Variants in GDPD4 observed in about 807,000 individuals in gnomAD.
GDPD4 encodes glycerophosphodiester phosphodiesterase 6.
A neutral mutation model predicts 67.8 loss-of-function variants in GDPD4; 60 were observed. The ratio of observed to expected loss-of-function variants is 0.88; its 90% CI spans 0.72 to 1.10. The LOEUF (loss-of-function observed/expected upper bound fraction) is 1.10. GDPD4 is among the 50% of genes least tolerant of loss of function. The probability of loss-of-function intolerance (pLI) is 0.00; values close to 1 mark genes in which losing one functional copy is unlikely to be tolerated. For missense variants in GDPD4, 623 were observed against 613.9 expected (o/e 1.01, Z -0.16); for synonymous variants, 212 against 210.9 (o/e 1.00, Z -0.04).
intron 13 of GDPD4, among the ~76,000 whole-genome samples, chr11:77,240,704 A>G (rs1301058667): frequency 2.0e-5 from 3 of 152,306 alleles, no homozygotes; most frequent in South Asian, 2.1e-4. Context: ...AAAACCTATG[A>G]AATGGGAGAA....
intron 5 of GDPD4, among the ~76,000 whole-genome samples, chr11:77,273,121 G>A (rs935369673): frequency 2.0e-5 from 3 of 152,094 alleles, no homozygotes; most frequent in Admixed American, 6.6e-5. Flanking sequence ...AATACATTTC[G>A]TGTGTTTACC....
At chr11:77,295,018 G>A (rs117768017) in intron 1 of GDPD4, among the ~76,000 whole-genome samples, 16,537 of 137,806 alleles carry the variant, frequency 0.12, 1,219 homozygotes, top group Non-Finnish European at 0.17. Flanking sequence ...CCAGGTTGGA[G>A]TGCAGTGGAA....
intron 13 of GDPD4, among the ~76,000 whole-genome samples, chr11:77,242,944 T>TTATAGAC (rs1958701043): frequency 1.8e-5 from 2 of 112,060 alleles, no homozygotes; most frequent in South Asian, 6.0e-4. Flanking sequence ...CTATTATAGA[T>TTATAGAC]AGGTAGATAA....
intron 11 of GDPD4, among the ~76,000 whole-genome samples, chr11:77,248,073 A>G (rs1325037886): frequency 7.0e-6 from 1 of 143,034 alleles, no homozygotes; most frequent in African/African-American, 2.6e-5. Context: ...AAAAAAAAAG[A>G]AAAGAAAGAA....
At chr11:77,241,574 G>A (rs1207437907) in intron 13 of GDPD4, among the ~76,000 whole-genome samples, 3 of 147,380 alleles carry the variant, frequency 2.0e-5, no homozygotes, top group East Asian at 2.0e-4. Flanking sequence ...GGAAGTAGAG[G>A]CTGCAGTGAG....
At chr11:77,271,415 CT>C in intron 5 of GDPD4, 22 bp from the exon 6 acceptor site, 1 of 1,467,586 alleles carries the variant, frequency 6.8e-7, no homozygotes, top group Non-Finnish European at 9.5e-7. Flanking sequence ...GAAAAAAAAT[CT>C]CCTGACTTCA....
chr11:77,233,405 G>A (rs981131161), intron 13 of GDPD4, among the ~76,000 whole-genome samples: 1 of 121,028 alleles, frequency 8.3e-6, no homozygotes, highest in Non-Finnish European at 1.7e-5. Flanking sequence ...TAAACCAAAT[G>A]TCCTAAGGAG....
chr11:77,260,119 CAACATAGTGA>C lies in GDPD4; in HGVS notation c.708-1587_708-1578del, dbSNP rs1300348180. 5.3e-5 allele frequency among the ~76,000 whole-genome samples: 8 copies of C among 152,018 alleles called. No individual in the cohort carries two copies. In the South Asian group the frequency reaches 1.5e-3, roughly 28 times the overall value. ...AGGTCGAGATCAAGACCATCCTGGCCAACATAGTGAAACCCCGTCTCTACTAAAAATACAA... is the reference window on the plus strand; with the variant it reads ...AGGTCGAGATCAAGACCATCCTGGCCAACCCCGTCTCTACTAAAAATACAA... On this transcript the variant is annotated intron_variant, in intron 10 of 16. Coordinates refer to ENST00000315938, the MANE Select transcript of GDPD4 (RefSeq NM_182833.3).
At position 77,258,517 on chromosome 11, in the gene GDPD4, G is replaced by A. The variant is rs1959048215; in HGVS notation, c.733C>T (p.His245Tyr). The change falls in exon 11 of 17, where the codon CAT (histidine) becomes TAT (tyrosine). Residue 245 changes from histidine (H) to tyrosine (Y), a missense_variant. Physicochemically the swap from His to Tyr is moderately conservative, Grantham distance 83. Transcript: ENST00000315938. Reference sequence around the variant, plus strand: ...GTTGTTCTTTTCAGGTCAAAGTCATGCATGAGGAAAGGCACATGATCATAA... The same window carrying A: ...GTTGTTCTTTTCAGGTCAAAGTCATACATGAGGAAAGGCACATGATCATAA... ...LSYDHVPFLM[H>Y]DFDLKRTTNI... 11 of 1,613,962 alleles carry A rather than the reference G, an allele frequency of 6.8e-6. No homozygotes were observed. Among genetic ancestry groups the A allele is most frequent in the Non-Finnish European group, 7.6e-6 (9 of 1,179,864 alleles).
intron 3 of GDPD4, among the ~76,000 whole-genome samples, chr11:77,280,579 T>A (rs1478379416): frequency 6.6e-6 from 1 of 152,220 alleles, no homozygotes; most frequent in Non-Finnish European, 1.5e-5. Flanking sequence ...CTTCTAATCA[T>A]TTTACTGGTC....
chr11:77,267,728 A>C (rs1408441859), intron 10 of GDPD4, among the ~76,000 whole-genome samples: 1 of 152,154 alleles, frequency 6.6e-6, no homozygotes, highest in African/African-American at 2.4e-5. Context: ...TTTGCCAGAC[A>C]TGTGTTTTAC....
chr11:77,263,741 GACACA>G (rs1959163064), intron 10 of GDPD4, among the ~76,000 whole-genome samples: 1 of 152,124 alleles, frequency 6.6e-6, no homozygotes, highest in Admixed American at 6.5e-5. Flanking sequence ...GGCTTGGCAT[GACACA>G]TCTTCATTAA....
intron 16 of GDPD4, among the ~76,000 whole-genome samples, chr11:77,225,894 T>C (rs1450548817): frequency 2.0e-5 from 3 of 152,174 alleles, no homozygotes; most frequent in Non-Finnish European, 4.4e-5. Context: ...TTCTGTCTAG[T>C]CTTCCTTGTT....
At chr11:77,257,159 C>G (rs1222390927) in intron 11 of GDPD4, among the ~76,000 whole-genome samples, 5 of 152,214 alleles carry the variant, frequency 3.3e-5, no homozygotes, top group African/African-American at 4.8e-5. Flanking sequence ...ACCTTGCTAT[C>G]TCTGCTGTCA....
intron 11 of GDPD4, among the ~76,000 whole-genome samples, chr11:77,248,888 A>ATT (rs568506140): frequency 3.3e-5 from 4 of 122,368 alleles, no homozygotes; most frequent in African/African-American, 9.0e-5. Context: ...TGCCCGGCTA[A>ATT]TTTTTTTTTT....
At position 77,218,952 on chromosome 11, in the gene GDPD4, C is replaced by T. The variant is rs377336055; in HGVS notation, c.1526-1638G>A. ...AATGGTATTTCTAGTTCTAGATCCT[C>T]GAGGAATCGCCACACTGTCTTCCAC... is the stretch of plus-strand genomic sequence containing the variant. On this transcript the variant is annotated intron_variant, in intron 16 of 16. Transcript: ENST00000315938. Among the ~76,000 whole-genome samples, 116 of 152,272 alleles carry T rather than the reference C, an allele frequency of 7.6e-4. 2 individuals are homozygous for T. Among genetic ancestry groups the T allele is most frequent in the Non-Finnish European group, 1.4e-3 (94 of 68,006 alleles).
intron 11 of GDPD4, among the ~76,000 whole-genome samples, chr11:77,252,052 TTGTTTTTTTTTTG>T (rs1958911383): frequency 1.2e-5 from 1 of 81,174 alleles, no homozygotes. Context: ...TTTTGTTTGT[TTGTTTTTTTTTTG>T]TTTTTTTTTT....
intron 10 of GDPD4, 125 bp downstream of exon 10, chr11:77,268,332 G>T (rs1959188197): frequency 1.5e-6 from 1 of 685,880 alleles, no homozygotes; most frequent in Non-Finnish European, 2.7e-6. Flanking sequence ...ATGCATATAT[G>T]CCATATGAAC....
At position 77,301,660 on chromosome 11, in the gene GDPD4, C is replaced by T. The variant is rs1186011706; in HGVS notation, c.-309G>A. 1.3e-5 allele frequency: 2 copies of T among 152,214 alleles called. No individual in the cohort carries two copies. The highest frequency in any genetic ancestry group is 2.9e-5 in the Non-Finnish European group (2 of 68,144). The allele number at this position is 152,214 out of a possible 1,614,324, so 9.4% of individuals were successfully genotyped here. A position where few individuals can be genotyped will look rare whatever the true frequency, so the allele number is the denominator to read the frequency against. ...TCTTCACGCCTGAGGAGACCAGCGT[C>T]TCTTAAGATGGACGCCTGGCTGGAA... On this transcript the variant is annotated 5_prime_UTR_variant, in exon 1 of 17. Transcript: ENST00000315938.
Sources: allele counts gnomAD v4.1 joint callset (sites outside exome capture counted in the v4.1 genomes callset), GRCh38; gene constraint gnomAD v4.1.1; transcripts MANE v1.5; gene names NCBI Gene and HGNC (gene_info 2026-07-23, HGNC 2026-07-21).